Variants in BCKDHB observed in about 807,000 individuals in gnomAD.
BCKDHB encodes 2-oxoisovalerate dehydrogenase subunit beta, mitochondrial.
In BCKDHB, 41 loss-of-function variants were observed where a neutral mutation model predicts 48.5. That is an observed-to-expected ratio of 0.85 (90% confidence interval 0.66 to 1.10). The LOEUF (loss-of-function observed/expected upper bound fraction) is 1.10. BCKDHB is among the 50% of genes least tolerant of loss of function. The pLI is 0.00. For synonymous variants in BCKDHB, 201 were observed against 174.8 expected (o/e 1.15, Z -1.18); for missense variants, 496 against 494.2 (o/e 1.00, Z -0.03).
At chr6:80,198,012 G>T (rs188341909) in intron 6 of BCKDHB, among the ~76,000 whole-genome samples, 2 of 151,946 alleles carry the variant, frequency 1.3e-5, no homozygotes, top group African/African-American at 4.8e-5. Flanking sequence ...TGAATACTGG[G>T]GTTAAGCCAT....
At chr6:80,435,892 C>T in the BCKDHB span, among the ~76,000 whole-genome samples, 3 of 152,044 alleles carry the variant, frequency 2.0e-5, no homozygotes, top group Non-Finnish European at 4.4e-5. Context: ...GATTAGCTGG[C>T]TGTAGTGGCG....
intron 9 of BCKDHB, among the ~76,000 whole-genome samples, chr6:80,277,212 AT>A (rs1156245296): frequency 6.6e-6 from 1 of 152,064 alleles, no homozygotes; most frequent in Non-Finnish European, 1.5e-5. Context: ...TTTATTGTGT[AT>A]TTTAAGCAAA....
the BCKDHB span, among the ~76,000 whole-genome samples, chr6:80,446,305 A>G: frequency 6.6e-6 from 1 of 152,178 alleles, no homozygotes; most frequent in Non-Finnish European, 1.5e-5. Flanking sequence ...TACGCATGAG[A>G]GTGGTTAGTT....
the BCKDHB span, among the ~76,000 whole-genome samples, chr6:80,413,081 T>C: frequency 6.6e-6 from 1 of 152,178 alleles, no homozygotes; most frequent in Admixed American, 6.5e-5. Flanking sequence ...TCATTATTTC[T>C]TTAAATTAGT....
chr6:80,295,579 A>G (rs1319009664), intron 9 of BCKDHB, among the ~76,000 whole-genome samples: 2 of 150,210 alleles, frequency 1.3e-5, no homozygotes, highest in Non-Finnish European at 3.0e-5. Context: ...AAATCGTATT[A>G]CTTGGTAAAA....
At chr6:80,306,983 C>G (rs1767912654) in intron 9 of BCKDHB, among the ~76,000 whole-genome samples, 1 of 152,086 alleles carries the variant, frequency 6.6e-6, no homozygotes, top group African/African-American at 2.4e-5. Flanking sequence ...TTCATTGGAC[C>G]AACCTCCAGC....
At chr6:80,186,274 G>A (rs369237824) in intron 6 of BCKDHB, among the ~76,000 whole-genome samples, 14 of 152,210 alleles carry the variant, frequency 9.2e-5, no homozygotes, top group African/African-American at 2.6e-4. Context: ...AGGGCTTGCC[G>A]AGGCCACTGT....
intron 9 of BCKDHB, among the ~76,000 whole-genome samples, chr6:80,310,267 G>C (rs1193498838): frequency 6.6e-6 from 1 of 151,970 alleles, no homozygotes; most frequent in Non-Finnish European, 1.5e-5. Flanking sequence ...CCAAAGCCCT[G>C]CATCAGGCTG....
chr6:80,257,705 A>G (rs756493782), intron 8 of BCKDHB, among the ~76,000 whole-genome samples: 59 of 152,036 alleles, frequency 3.9e-4, no homozygotes, highest in Non-Finnish European at 7.4e-4. Context: ...GGAGAAGACA[A>G]TAGCGTTACT....
intron 3 of BCKDHB, among the ~76,000 whole-genome samples, chr6:80,146,775 A>T (rs1582231011): frequency 6.6e-6 from 1 of 152,140 alleles, no homozygotes; most frequent in East Asian, 1.9e-4. Flanking sequence ...TCTTTTTAAG[A>T]GCCCCTCAGA....
intron 9 of BCKDHB, among the ~76,000 whole-genome samples, chr6:80,282,556 G>A (rs778610706): frequency 1.3e-5 from 2 of 152,078 alleles, no homozygotes; most frequent in South Asian, 2.1e-4. Context: ...CTTGATGAAT[G>A]TTATGGATTT....
intron 8 of BCKDHB, among the ~76,000 whole-genome samples, chr6:80,246,793 C>T (rs1039658738): frequency 2.6e-5 from 4 of 151,984 alleles, no homozygotes; most frequent in African/African-American, 9.7e-5. Context: ...ATCTTACCAC[C>T]CCATCTTCTG....
intron 9 of BCKDHB, among the ~76,000 whole-genome samples, chr6:80,314,664 G>A (rs958891777): frequency 6.6e-6 from 1 of 152,130 alleles, no homozygotes; most frequent in African/African-American, 2.4e-5. Context: ...GGTCAGCTTG[G>A]ACTCTTCAAA....
At chr6:80,232,409 G>A (rs967284835) in intron 8 of BCKDHB, among the ~76,000 whole-genome samples, 7 of 151,680 alleles carry the variant, frequency 4.6e-5, no homozygotes, top group Non-Finnish European at 7.4e-5. Context: ...TTATGATTTT[G>A]TAGTAGATCT....
intron 3 of BCKDHB, among the ~76,000 whole-genome samples, chr6:80,155,839 G>GT (rs377189940): frequency 0.08 from 8,745 of 110,000 alleles, 724 homozygotes; most frequent in African/African-American, 0.22. Context: ...ATGCAAAGTT[G>GT]TTTTTTTTTT....
intron 9 of BCKDHB, among the ~76,000 whole-genome samples, chr6:80,311,394 C>G (rs1333248186): frequency 6.6e-6 from 1 of 152,160 alleles, no homozygotes; most frequent in Non-Finnish European, 1.5e-5. Context: ...TGTAGGTTGC[C>G]TGTTTACTCT....
At chr6:80,154,373 T>G (rs1582246434) in intron 3 of BCKDHB, among the ~76,000 whole-genome samples, 1 of 152,148 alleles carries the variant, frequency 6.6e-6, no homozygotes, top group East Asian at 1.9e-4. Flanking sequence ...AGAGGTGATT[T>G]GAGAGAGCTT....
At chr6:80,121,761 C>G (rs62406049) in intron 1 of BCKDHB, among the ~76,000 whole-genome samples, 1 of 152,246 alleles carries the variant, frequency 6.6e-6, no homozygotes, top group Admixed American at 6.5e-5. Context: ...TGGGCTGAGA[C>G]GATGGGGTTT....
the BCKDHB span, chr6:80,463,119 T>C: frequency 6.6e-6 from 1 of 152,360 alleles, no homozygotes; most frequent in African/African-American, 2.4e-5. Context: ...TTAGATTTAT[T>C]TGTAAGCTTT....
Sources: allele counts gnomAD v4.1 joint callset (sites outside exome capture counted in the v4.1 genomes callset), GRCh38; gene constraint gnomAD v4.1.1; transcripts MANE v1.5; gene names NCBI Gene and HGNC (gene_info 2026-07-23, HGNC 2026-07-21).